Variants in MSI2 observed in about 807,000 individuals in gnomAD.
The protein encoded by MSI2 is RNA-binding protein Musashi homolog 2.
Under a neutral mutation model 45.6 loss-of-function variants are expected in MSI2, and 17 were observed. The observed-to-expected ratio is 0.37, with a 90% CI of 0.26 to 0.56. The LOEUF (loss-of-function observed/expected upper bound fraction) is 0.56. Among genes scored for constraint, MSI2 ranks in the 20% least tolerant of loss-of-function variants. The probability of loss-of-function intolerance (pLI) is 0.77; values close to 1 mark genes in which losing one functional copy is unlikely to be tolerated. For synonymous variants in MSI2, 156 were observed against 158.2 expected (o/e 0.99, Z 0.11); for missense variants, 293 against 444.2 (o/e 0.66, Z 3.06).
chr17:57,426,379 G>A (rs533281192), intron 6 of MSI2, among the ~76,000 whole-genome samples: 18 of 152,222 alleles, frequency 1.2e-4, no homozygotes, highest in African/African-American at 1.7e-4. Flanking sequence ...TTAAGATAAC[G>A]TTCAGCTTGT....
intron 5 of MSI2, among the ~76,000 whole-genome samples, chr17:57,385,355 A>G (rs1198556928): frequency 6.6e-6 from 1 of 152,234 alleles, no homozygotes; most frequent in Non-Finnish European, 1.5e-5. Flanking sequence ...CTAGCAATCC[A>G]AAAGTTTAGT....
At chr17:57,551,794 G>A (rs762293642) in intron 7 of MSI2, among the ~76,000 whole-genome samples, 17 of 152,230 alleles carry the variant, frequency 1.1e-4, no homozygotes, top group Non-Finnish European at 2.2e-4. Flanking sequence ...GATCACGGGC[G>A]TGAAAGCTGG....
rs968101110 is a variant in MSI2 at position 57,507,181 on chromosome 17, G to C, written c.406-22495G>C. On this transcript the variant is annotated intron_variant, in intron 6 of 13. Coordinates refer to ENST00000284073, the MANE Select transcript of MSI2 (RefSeq NM_138962.4). ...TCTGTTTCTCTGTGTGTGTTGGGGG[G>C]GGGGGGTGTAAATCTCTTCCCATTG... is the stretch of plus-strand genomic sequence containing the variant. 1.3e-5 allele frequency among the ~76,000 whole-genome samples: 2 copies of C among 149,326 alleles called. 1 individual carries two copies. Among genetic ancestry groups the C allele is most frequent in the African/African-American group, 5.0e-5 (2 of 40,130 alleles).
chr17:57,414,437 T>C (rs1377050833), intron 6 of MSI2, among the ~76,000 whole-genome samples: 1 of 152,018 alleles, frequency 6.6e-6, no homozygotes, highest in Non-Finnish European at 1.5e-5. Context: ...TTGCCCAAGC[T>C]GGAGTGCAGT....
chr17:57,412,012 G>A (rs759272519), intron 6 of MSI2, among the ~76,000 whole-genome samples: 28 of 151,822 alleles, frequency 1.8e-4, no homozygotes, highest in Non-Finnish European at 3.8e-4. Flanking sequence ...GTCTGGGGGC[G>A]GGGCCGGGGG....
Position 57,645,173 on chromosome 17 carries a change from G to T in MSI2, c.728-6926G>T, listed in dbSNP as rs72834952. The stretch of plus-strand genomic sequence containing the variant: ...AGGCCTTTAAAAGACACAGAGACCC[G>T]GCTCCCACCCGATTCTGTGGGCAGG... On this transcript the variant is annotated intron_variant, in intron 10 of 13. Coordinates refer to ENST00000284073, the MANE Select transcript of MSI2 (RefSeq NM_138962.4). Among the ~76,000 whole-genome samples the T allele has an allele frequency of 2.6e-5, 4 of 152,120 alleles. No individual in the cohort carries two copies. In the South Asian group the frequency reaches 8.3e-4, roughly 32 times the overall value.
At chr17:57,510,107 C>T (rs776594806) in intron 6 of MSI2, among the ~76,000 whole-genome samples, 2 of 152,088 alleles carry the variant, frequency 1.3e-5, no homozygotes, top group Non-Finnish European at 2.9e-5. Context: ...CACCACCGTT[C>T]TGCCCCACGA....
chr17:57,335,884 T>C (rs767275378), intron 5 of MSI2, among the ~76,000 whole-genome samples: 8 of 152,044 alleles, frequency 5.3e-5, no homozygotes, highest in East Asian at 1.9e-4. Flanking sequence ...GGTAGACTAT[T>C]TGGGGCTAGT....
At chr17:57,558,697 G>A (rs546363820) in intron 7 of MSI2, among the ~76,000 whole-genome samples, 5 of 152,306 alleles carry the variant, frequency 3.3e-5, no homozygotes, top group East Asian at 3.9e-4. Context: ...GCTGGATCCC[G>A]CTGTCTCTTC....
intron 7 of MSI2, among the ~76,000 whole-genome samples, chr17:57,563,195 T>C (rs2087630652): frequency 6.6e-6 from 1 of 152,144 alleles, no homozygotes; most frequent in Admixed American, 6.5e-5. Context: ...AGCAGGATTT[T>C]TTTTATATCC....
chr17:57,603,447 C>CCA (rs1464763196), intron 8 of MSI2, among the ~76,000 whole-genome samples: 1 of 152,240 alleles, frequency 6.6e-6, no homozygotes, highest in Non-Finnish European at 1.5e-5. Flanking sequence ...CCTGTCTGCA[C>CCA]CAGTTTGCTC....
downstream of MSI2, among the ~76,000 whole-genome samples, chr17:57,687,235 T>TTA: frequency 6.6e-6 from 1 of 152,080 alleles, no homozygotes; most frequent in South Asian, 2.1e-4. Context: ...GAATTTTTTT[T>TTA]GGGGGAGGTG....
intron 7 of MSI2, among the ~76,000 whole-genome samples, chr17:57,553,228 G>C (rs577306901): frequency 8.5e-5 from 13 of 152,192 alleles, no homozygotes; most frequent in Non-Finnish European, 1.6e-4. Flanking sequence ...TGGGCACAGA[G>C]CACTGGACTG....
In MSI2 at chr17:57,627,509, C is replaced by T. The variant is rs1341109890; in HGVS notation, c.727+206C>T. ...TAACTCAGGTATAACTCACTGGTGC[C>T]GGGTATTTGAGAACGGCAGCTTTTA... On this transcript the variant is annotated intron_variant, in intron 10 of 13. Transcript: ENST00000284073. The surrounding 1 kb of genome is among the most constrained non-coding windows in gnomAD (Gnocchi z 4.6). 5 of 589,088 alleles carry T rather than the reference C, an allele frequency of 8.5e-6. No individual in the cohort carries two copies. The highest frequency in any genetic ancestry group is 4.2e-5 in the South Asian group (2 of 47,130). 36.5% of individuals were successfully genotyped at this position (589,088 alleles called of 1,614,324 possible). A position where few individuals can be genotyped will look rare whatever the true frequency, so the allele number is the denominator to read the frequency against.
intron 8 of MSI2, among the ~76,000 whole-genome samples, chr17:57,612,693 T>C (rs1259787273): frequency 6.6e-6 from 1 of 152,208 alleles, no homozygotes; most frequent in East Asian, 1.9e-4. Flanking sequence ...TAGGTGGGTT[T>C]GTTTAAAACA....
chr17:57,354,294 G>A (rs1196322277), intron 5 of MSI2, among the ~76,000 whole-genome samples: 3 of 152,178 alleles, frequency 2.0e-5, no homozygotes, highest in Non-Finnish European at 4.4e-5. Flanking sequence ...GAAAGTGTAA[G>A]GACGTGGTAT....
chr17:57,450,524 T>C (rs2084996318), intron 6 of MSI2, among the ~76,000 whole-genome samples: 1 of 151,534 alleles, frequency 6.6e-6, no homozygotes, highest in Non-Finnish European at 1.5e-5. Context: ...ATAAAAATTA[T>C]CCAGGCGTGG....
At chr17:57,506,561 T>C (rs984633740) in intron 6 of MSI2, among the ~76,000 whole-genome samples, 3 of 152,138 alleles carry the variant, frequency 2.0e-5, no homozygotes, top group Non-Finnish European at 2.9e-5. Context: ...CATCTCACCG[T>C]CCCCGAGAAC....
At chr17:57,613,990 G>T (rs1598452643) in intron 8 of MSI2, among the ~76,000 whole-genome samples, 2 of 152,248 alleles carry the variant, frequency 1.3e-5, no homozygotes, top group Middle Eastern at 6.8e-3. Context: ...TGAAGTATTT[G>T]GGATGTGAGT....
Sources: gnomAD v4.1 joint callset for allele counts (sites outside exome capture counted in the v4.1 genomes callset) on GRCh38, gnomAD v4.1.1 for gene constraint, Gnocchi (gnomAD v3.1) non-coding constraint, MANE v1.5 for transcripts, NCBI Gene and HGNC (gene_info 2026-07-23, HGNC 2026-07-21) for gene names.